Variants in STARD6 observed in about 807,000 individuals in gnomAD.
STARD6 encodes the protein stAR-related lipid transfer protein 6.
A neutral mutation model predicts 22.3 loss-of-function variants in STARD6; 21 were observed. The ratio of observed to expected loss-of-function variants is 0.94; its 90% CI spans 0.67 to 1.35. The LOEUF (loss-of-function observed/expected upper bound fraction) is 1.35. Among genes scored for constraint, STARD6 ranks in the 40% most tolerant of loss-of-function variants. STARD6 has a pLI of 0.00. For synonymous variants in STARD6, 80 were observed against 88.1 expected (o/e 0.91, Z 0.52); for missense variants, 269 against 266.9 (o/e 1.01, Z -0.05).
At chr18:54,337,001 G>T in intron 5 of STARD6, 124 bp downstream of exon 5, 1 of 860,558 alleles carries the variant, frequency 1.2e-6, no homozygotes, top group East Asian at 2.7e-5. Context: ...CTTTTATAAA[G>T]ACTTCAAGTC....
intron 4 of STARD6, among the ~76,000 whole-genome samples, chr18:54,349,135 A>G (rs2089067748): frequency 6.6e-6 from 1 of 152,164 alleles, no homozygotes; most frequent in African/African-American, 2.4e-5. Context: ...GTAAGAAAAC[A>G]AAGAAGATAA....
At chr18:54,350,978 T>C (rs1421843891) in intron 4 of STARD6, among the ~76,000 whole-genome samples, 9 of 152,192 alleles carry the variant, frequency 5.9e-5, no homozygotes, top group African/African-American at 2.2e-4. Context: ...GTTTTTTGGT[T>C]CCATACGAAT....
intron 1 of STARD6, among the ~76,000 whole-genome samples, chr18:54,357,431 G>A (rs1225308255): frequency 6.6e-6 from 1 of 152,130 alleles, no homozygotes; most frequent in Non-Finnish European, 1.5e-5. Context: ...GGGTGTGAGA[G>A]GAAAGGCACT....
At chr18:54,355,573 A>T (rs2144701121) in intron 2 of STARD6, among the ~76,000 whole-genome samples, 1 of 152,244 alleles carries the variant, frequency 6.6e-6, no homozygotes, top group South Asian at 2.1e-4. Context: ...GCAGTCTGCA[A>T]CCAGAAGAGG....
At chr18:54,350,240 G>A (rs1239961897) in intron 4 of STARD6, among the ~76,000 whole-genome samples, 2 of 152,116 alleles carry the variant, frequency 1.3e-5, no homozygotes, top group Admixed American at 6.5e-5. Flanking sequence ...AATTAGTGAT[G>A]TTGAGCATTT....
intron 4 of STARD6, among the ~76,000 whole-genome samples, chr18:54,338,482 T>C (rs2088937138): frequency 6.6e-6 from 1 of 152,084 alleles, no homozygotes; most frequent in Non-Finnish European, 1.5e-5. Flanking sequence ...TATCAGAGGC[T>C]ACAGACTCGG....
chr18:54,355,945 C>T (rs1482692368), intron 2 of STARD6: 2 of 152,188 alleles, frequency 1.3e-5, no homozygotes, highest in African/African-American at 2.4e-5. Flanking sequence ...AACCTTTGAA[C>T]TTCAACTTCC....
chr18:54,338,896 G>T (rs556105376), intron 4 of STARD6, among the ~76,000 whole-genome samples: 1 of 151,474 alleles, frequency 6.6e-6, no homozygotes, highest in Non-Finnish European at 1.5e-5. Flanking sequence ...AAAAATACAA[G>T]AATTAGCTGG....
chr18:54,352,170 T>C (rs2089104398), intron 4 of STARD6, among the ~76,000 whole-genome samples: 1 of 151,992 alleles, frequency 6.6e-6, no homozygotes, highest in African/African-American at 2.4e-5. Flanking sequence ...TGATTTAATC[T>C]AGGAGGGTTG....
At position 54,324,909 on chromosome 18, in the gene STARD6, A is replaced by G. The variant is rs769725949; in HGVS notation, c.480-34T>C. On this transcript the variant is annotated intron_variant, in intron 7 of 7. Transcript: ENST00000307844. The stretch of plus-strand genomic sequence containing the variant: ...AAAAGAAGAGTTAAAAAAAGATAAG[A>G]AATTTTTAGATTTAACTACTGACTT... 6 of 1,463,850 alleles carry G rather than the reference A, an allele frequency of 4.1e-6. No homozygotes were observed. In the South Asian group the frequency reaches 6.1e-5, roughly 15 times the overall value. 90.7% of individuals were successfully genotyped at this position (1,463,850 alleles called of 1,614,324 possible).
At chr18:54,326,061 T>C (rs2088822025) in intron 7 of STARD6, among the ~76,000 whole-genome samples, 1 of 152,192 alleles carries the variant, frequency 6.6e-6, no homozygotes. Flanking sequence ...ATCAGATCTG[T>C]AAATATGTCT....
At chr18:54,333,379 G>A (rs1365840805) in intron 5 of STARD6, among the ~76,000 whole-genome samples, 1 of 152,164 alleles carries the variant, frequency 6.6e-6, no homozygotes, top group Admixed American at 6.5e-5. Context: ...AACCTGGGAG[G>A]CGGAGCTTGC....
chr18:54,342,263 G>A (rs1181948738), intron 4 of STARD6, among the ~76,000 whole-genome samples: 2 of 152,188 alleles, frequency 1.3e-5, no homozygotes, highest in Non-Finnish European at 2.9e-5. Flanking sequence ...AAGAGCCCAT[G>A]CTCAGATGGC....
At chr18:54,328,640 A>ATT (rs60137676) in intron 7 of STARD6, among the ~76,000 whole-genome samples, 4 of 147,794 alleles carry the variant, frequency 2.7e-5, no homozygotes, top group African/African-American at 7.3e-5. Context: ...CTTCACATAC[A>ATT]TTTTTTTTTT....
chr18:54,328,529 G>A (rs1341889705), intron 7 of STARD6, among the ~76,000 whole-genome samples: 2 of 152,112 alleles, frequency 1.3e-5, no homozygotes, highest in Admixed American at 1.3e-4. Flanking sequence ...ATCAACAATC[G>A]TATACATTAA....
At chr18:54,341,612 A>G (rs1016248652) in intron 4 of STARD6, among the ~76,000 whole-genome samples, 6 of 152,272 alleles carry the variant, frequency 3.9e-5, no homozygotes, top group Non-Finnish European at 8.8e-5. Context: ...TTAACAACAG[A>G]AATTTGGGAA....
rs1345048517 is a variant in STARD6, at chr18:54,331,850, T to A, written c.277A>T (p.Ile93Leu). The change falls in exon 6 of 8, where the codon ATA (isoleucine) becomes TTA (leucine). Residue 93 changes from isoleucine (I) to leucine (L), a missense_variant. Coordinates refer to ENST00000307844, the MANE Select transcript of STARD6 (RefSeq NM_139171.2). ...MVHRIDSDTF[I>L]CHTITQSFAV... ...AAACTTTGTGTAATGGTATGACATA[T>A]GAATGTGTCCTGCAACAAATCAAAC... 1 of 1,603,276 alleles carries A rather than the reference T, an allele frequency of 6.2e-7. No homozygotes were observed. The highest frequency in any genetic ancestry group is 1.3e-5 in the African/African-American group (1 of 74,744).
In STARD6 at chr18:54,324,495, G is replaced by C. The variant is rs2088806020; in HGVS notation, c.*197C>G. ...CTTATTTAACATCATTCTTACGTGA[G>C]ATTAAAAACGGTATTTAATGCCATA... On this transcript the variant is annotated 3_prime_UTR_variant, in exon 8 of 8. Coordinates refer to ENST00000307844, the MANE Select transcript of STARD6 (RefSeq NM_139171.2). 2.2e-6 allele frequency: 1 copy of C among 460,268 alleles called. No individual in the cohort carries two copies. Among genetic ancestry groups the C allele is most frequent in the Admixed American group, 4.0e-5 (1 of 25,244 alleles). 28.5% of individuals were successfully genotyped at this position (460,268 alleles called of 1,614,324 possible). A position where few individuals can be genotyped will look rare whatever the true frequency, so the allele number is the denominator to read the frequency against.
intron 7 of STARD6, among the ~76,000 whole-genome samples, chr18:54,326,581 C>G (rs2088827244): frequency 6.6e-6 from 1 of 151,442 alleles, no homozygotes; most frequent in Non-Finnish European, 1.5e-5. Flanking sequence ...ATCCACCCGC[C>G]TCAGCCTCCC....
Sources: gnomAD v4.1 joint callset for allele counts (sites outside exome capture counted in the v4.1 genomes callset) on GRCh38, gnomAD v4.1.1 for gene constraint, MANE v1.5 for transcripts, NCBI Gene and HGNC (gene_info 2026-07-23, HGNC 2026-07-21) for gene names.